The following SPATA16 variants were observed in gnomAD, a reference collection of about 807,000 sequenced individuals.
SPATA16 encodes the protein spermatogenesis associated 16.
In SPATA16, 36 loss-of-function variants were observed where a neutral mutation model predicts 63.3. That is an observed-to-expected ratio of 0.57 (90% CI 0.44 to 0.75). The LOEUF (loss-of-function observed/expected upper bound fraction) is 0.75, where lower values mean the gene tolerates loss of function less well. Among genes scored for constraint, SPATA16 ranks in the 30% least tolerant of loss-of-function variants. The pLI is 0.00. For synonymous variants in SPATA16, 203 were observed against 216.7 expected (o/e 0.94, Z 0.56); for missense variants, 646 against 679.3 (o/e 0.95, Z 0.54).
intron 6 of SPATA16, among the ~76,000 whole-genome samples, chr3:172,944,307 G>T (rs893766676): frequency 2.0e-5 from 3 of 152,188 alleles, no homozygotes; most frequent in African/African-American, 7.2e-5. Context: ...AAGCCACAGT[G>T]AGATACCACT....
At chr3:173,130,817 T>TA (rs1165506746) in intron 1 of SPATA16, among the ~76,000 whole-genome samples, 3 of 152,184 alleles carry the variant, frequency 2.0e-5, no homozygotes, top group African/African-American at 4.8e-5. Context: ...TTATCCTTGG[T>TA]AAAAAATAAT....
In SPATA16 at chr3:173,117,254, G is replaced by T. The variant is rs1737925868; in HGVS notation, c.478C>A (p.Pro160Thr). 4 of 1,614,014 alleles carry T rather than the reference G, an allele frequency of 2.5e-6. No individual in the cohort carries two copies. The highest frequency in any genetic ancestry group is 3.4e-6 in the Non-Finnish European group (4 of 1,179,986). Residue 160 changes from proline to threonine, a missense_variant, in exon 2 of 11, where the codon CCT (proline) becomes ACT (threonine). By Grantham distance (38) the Pro-to-Thr change is conservative. Coordinates refer to ENST00000351008, the MANE Select transcript of SPATA16 (RefSeq NM_031955.6). ...PTCQAAEIVD[P>T]LSVHNFSFLP... ...AAGCTGAAATTATGTACACTCAAAG[G>T]GTCTACTATTTCAGCAGCTTGGCAT...
At chr3:172,941,888 A>G (rs1733155497) in intron 6 of SPATA16, among the ~76,000 whole-genome samples, 1 of 152,106 alleles carries the variant, frequency 6.6e-6, no homozygotes, top group African/African-American at 2.4e-5. Context: ...ATTTTCGTTA[A>G]AGTATTCTAT....
chr3:173,027,553 C>T (rs1735478219), intron 3 of SPATA16, among the ~76,000 whole-genome samples: 1 of 151,804 alleles, frequency 6.6e-6, no homozygotes, highest in African/African-American at 2.4e-5. Context: ...AAAATTCTTG[C>T]TTTTTTTCTC....
intron 10 of SPATA16, among the ~76,000 whole-genome samples, chr3:172,890,272 C>T (rs1248502558): frequency 6.6e-6 from 1 of 152,146 alleles, no homozygotes; most frequent in Non-Finnish European, 1.5e-5. Flanking sequence ...TTATACACAA[C>T]AATTCTTGAA....
At chr3:173,056,190 T>G (rs1017091309) in intron 2 of SPATA16, among the ~76,000 whole-genome samples, 1 of 152,196 alleles carries the variant, frequency 6.6e-6, no homozygotes, top group Non-Finnish European at 1.5e-5. Flanking sequence ...ATGTCTGTTG[T>G]TTTAGGATGT....
chr3:173,038,342 C>G (rs551165513), intron 3 of SPATA16, among the ~76,000 whole-genome samples: 1 of 152,170 alleles, frequency 6.6e-6, no homozygotes, highest in Non-Finnish European at 1.5e-5. Context: ...GAGAACAAGA[C>G]ACAAACATCA....
intron 6 of SPATA16, among the ~76,000 whole-genome samples, chr3:172,956,234 T>G (rs932290685): frequency 6.6e-6 from 1 of 152,102 alleles, no homozygotes; most frequent in Non-Finnish European, 1.5e-5. Flanking sequence ...CTCATTTGGA[T>G]ACCAGTGATT....
chr3:173,094,999 A>G (rs1737317443), intron 2 of SPATA16, among the ~76,000 whole-genome samples: 1 of 152,176 alleles, frequency 6.6e-6, no homozygotes, highest in Non-Finnish European at 1.5e-5. Context: ...TTTTATTTGT[A>G]AAGGGCTCTA....
intron 6 of SPATA16, among the ~76,000 whole-genome samples, chr3:172,936,884 T>G (rs1733008785): frequency 6.6e-6 from 1 of 152,056 alleles, no homozygotes; most frequent in Non-Finnish European, 1.5e-5. Context: ...ATTTTTTTTG[T>G]ATTTTTAGTA....
At chr3:173,042,970 T>C (rs1453707656) in intron 3 of SPATA16, among the ~76,000 whole-genome samples, 4 of 152,154 alleles carry the variant, frequency 2.6e-5, no homozygotes, top group Non-Finnish European at 5.9e-5. Flanking sequence ...TCTACTTTGG[T>C]AATAACACAG....
chr3:172,945,410 A>T (rs1733257802), intron 6 of SPATA16, among the ~76,000 whole-genome samples: 1 of 152,224 alleles, frequency 6.6e-6, no homozygotes, highest in South Asian at 2.1e-4. Flanking sequence ...AACTATCCAT[A>T]CAAGAAATAC....
chr3:173,137,512 T>A (rs1476485668), intron 1 of SPATA16, among the ~76,000 whole-genome samples: 1 of 152,056 alleles, frequency 6.6e-6, no homozygotes. Context: ...GGAAAAGAAA[T>A]GGCAGCTGCA....
chr3:173,075,571 C>T (rs1736781975), intron 2 of SPATA16, among the ~76,000 whole-genome samples: 1 of 152,104 alleles, frequency 6.6e-6, no homozygotes, highest in Non-Finnish European at 1.5e-5. Context: ...GGTACATATA[C>T]ACAATAGAAT....
chr3:173,019,669 A>G, intron 3 of SPATA16, 94 bp from the exon 4 acceptor site: 2 of 1,151,472 alleles, frequency 1.7e-6, no homozygotes, highest in East Asian at 2.4e-5. Flanking sequence ...ATTCAATTTT[A>G]TATACTATGT....
At chr3:173,129,183 C>G (rs138422921) in intron 1 of SPATA16, among the ~76,000 whole-genome samples, 1 of 152,314 alleles carries the variant, frequency 6.6e-6, no homozygotes, top group East Asian at 1.9e-4. Flanking sequence ...TTGTGCTTCA[C>G]AGGAACTCAG....
At position 173,047,754 on chromosome 3, in the gene SPATA16, TA is replaced by T. The variant is rs1368697826; in HGVS notation, c.758+1194del. Among the ~76,000 whole-genome samples the T allele has an allele frequency of 3.3e-5, 5 of 152,192 alleles. No individual in the cohort carries two copies. In the East Asian group the frequency reaches 5.8e-4, roughly 18 times the overall value. On this transcript the variant is annotated intron_variant, in intron 3 of 10. Coordinates refer to ENST00000351008, the MANE Select transcript of SPATA16 (RefSeq NM_031955.6). ...CCGACCATATATCTTGATTTTTTTT[TA>T]AAACTATGGTTTCATAAAATGTTTC... is the stretch of plus-strand genomic sequence containing the variant.
intron 5 of SPATA16, among the ~76,000 whole-genome samples, chr3:172,967,545 C>A (rs1298485246): frequency 2.0e-5 from 3 of 152,114 alleles, no homozygotes; most frequent in Non-Finnish European, 4.4e-5. Context: ...AGTGGCTATT[C>A]ATGGGTGTGG....
At chr3:172,942,722 A>G (rs1733184964) in intron 6 of SPATA16, among the ~76,000 whole-genome samples, 2 of 152,162 alleles carry the variant, frequency 1.3e-5, no homozygotes, top group African/African-American at 4.8e-5. Flanking sequence ...TGCATTCCAA[A>G]ATTAAAAAAT....
Sources: allele counts gnomAD v4.1 joint callset (sites outside exome capture counted in the v4.1 genomes callset), GRCh38; gene constraint gnomAD v4.1.1; transcripts MANE v1.5; gene names NCBI Gene and HGNC (gene_info 2026-07-23, HGNC 2026-07-21).